Variants in SERPINE2 observed in about 807,000 individuals in gnomAD.
The protein encoded by SERPINE2 is serpin family E member 2, also known as glia-derived nexin.
In SERPINE2, 14 loss-of-function variants were observed where a neutral mutation model predicts 36.3. That is an observed-to-expected ratio of 0.39 (90% CI 0.25 to 0.60). The LOEUF (loss-of-function observed/expected upper bound fraction) is 0.60. SERPINE2 is among the 20% of genes least tolerant of loss of function. The pLI, the probability that SERPINE2 is intolerant of heterozygous loss-of-function variation, is 0.57. For synonymous variants in SERPINE2, 192 were observed against 191.8 expected, an observed-to-expected ratio of 1.00 and a Z score of -0.01; for missense variants, 418 against 499.6, an observed-to-expected ratio of 0.84 and a Z score of 1.56.
intron 1 of SERPINE2, among the ~76,000 whole-genome samples, chr2:224,025,211 C>T (rs1483656720): frequency 2.6e-5 from 4 of 152,206 alleles, no homozygotes; most frequent in Non-Finnish European, 4.4e-5. Context: ...GGACAGGTCA[C>T]CTGCCCGCCC....
At chr2:223,985,049 T>A in intron 4 of SERPINE2, 99 bp from the exon 5 acceptor site, 2 of 948,710 alleles carry the variant, frequency 2.1e-6, no homozygotes, top group Non-Finnish European at 3.3e-6. Context: ...AGCAACTCAG[T>A]TGGAGAACTT....
At position 223,980,403 on chromosome 2, in the gene SERPINE2, T is replaced by G. The variant is rs1337583670; in HGVS notation, c.986-6A>C. ...AACATGGAGGTTTTCTGACCCTGCT[T>G]CCAGAAAATAAAACAGTATCAGCAT... is the stretch of plus-strand genomic sequence containing the variant. On this transcript the variant is annotated splice_region_variant and splice_polypyrimidine_tract_variant and intron_variant, in intron 6 of 8. Transcript: ENST00000409304. The G allele has an allele frequency of 1.2e-6, 2 of 1,613,008 alleles. No individual in the cohort carries two copies.
rs1690694559 is a variant in SERPINE2 at position 223,991,991 on chromosome 2, T to A, written c.497A>T (p.Asp166Val). The A allele has an allele frequency of 3.1e-6, 5 of 1,613,830 alleles. No individual in the cohort carries two copies. Among genetic ancestry groups the A allele is most frequent in the Non-Finnish European group, 4.2e-6 (5 of 1,179,966 alleles). The change falls in exon 4 of 9, where the codon GAC becomes GTC. Residue 166 changes from aspartate to valine, a missense_variant. Physicochemically the swap from Asp to Val is radical, Grantham distance 152. Coordinates refer to ENST00000409304, the MANE Select transcript of SERPINE2 (RefSeq NM_001136528.2). ...AATAAGATCTGGGGACAGCAGATTG[T>A]CAATCATATCTGTGAAGCCAAAGAA... is the stretch of plus-strand genomic sequence containing the variant. ...WVKNETRDMI[D>V]NLLSPDLIDG...
chr2:223,990,141 A>G (rs1690604858), intron 4 of SERPINE2, among the ~76,000 whole-genome samples: 1 of 152,220 alleles, frequency 6.6e-6, no homozygotes, highest in Non-Finnish European at 1.5e-5. Context: ...TGTCCTTCCT[A>G]TCGCCTGCAG....
At chr2:224,033,586 G>A (rs978520384) in intron 1 of SERPINE2, among the ~76,000 whole-genome samples, 2 of 151,284 alleles carry the variant, frequency 1.3e-5, no homozygotes, top group African/African-American at 4.9e-5. Flanking sequence ...TCTATTGGTG[G>A]TGCAGCCCAT....
intron 2 of SERPINE2, among the ~76,000 whole-genome samples, chr2:223,999,595 A>G (rs1691027788): frequency 6.6e-6 from 1 of 152,188 alleles, no homozygotes; most frequent in African/African-American, 2.4e-5. Flanking sequence ...TCTATGGTGC[A>G]GGCCCATTCT....
At chr2:224,013,999 C>T (rs1364409865) in intron 1 of SERPINE2, 2 of 152,252 alleles carry the variant, frequency 1.3e-5, no homozygotes, top group African/African-American at 2.4e-5. Flanking sequence ...ATTACCAGTA[C>T]CACATCCTTT....
chr2:223,991,847 G>A lies in SERPINE2; in HGVS notation c.641C>T (p.Ser214Phe), dbSNP rs1357622711. 3 of 1,613,384 alleles carry A rather than the reference G, an allele frequency of 1.9e-6. No individual in the cohort carries two copies. The African/African-American group carries it at 4.0e-5, about 22-fold the overall frequency. ...KRTFVAADGKSYQVPMLAQLS... is the reference protein window; with the variant it reads ...KRTFVAADGKFYQVPMLAQLS... ...CTGGGCCAGCATTGGCACTTGATAGGATTTCCCGTCGGCTGCCACGAAAGT... is the reference window on the plus strand; with the variant it reads ...CTGGGCCAGCATTGGCACTTGATAGAATTTCCCGTCGGCTGCCACGAAAGT... Residue 214 changes from serine to phenylalanine, a missense_variant, in exon 4 of 9, where the codon TCC (serine) becomes TTC (phenylalanine). Physicochemically the swap from Ser to Phe is radical, Grantham distance 155. Coordinates refer to ENST00000409304, the MANE Select transcript of SERPINE2 (RefSeq NM_001136528.2).
At chr2:224,013,716 G>C (rs1045104635) in intron 1 of SERPINE2, 6 of 152,234 alleles carry the variant, frequency 3.9e-5, no homozygotes, top group Admixed American at 3.3e-4. Context: ...CAGGCGGTAG[G>C]TGGGGAGGAC....
intron 1 of SERPINE2, among the ~76,000 whole-genome samples, chr2:224,015,809 A>G (rs1325533373): frequency 7.2e-5 from 11 of 152,224 alleles, no homozygotes; most frequent in African/African-American, 2.7e-4. Flanking sequence ...GACCTCATCA[A>G]AATGAAAAGT....
chr2:223,991,837 C>G lies in SERPINE2; in HGVS notation c.651G>C (p.Val217=). The G allele has an allele frequency of 6.2e-7, 1 of 1,613,804 alleles. No individual in the cohort carries two copies. The highest frequency in any genetic ancestry group is 8.5e-7 in the Non-Finnish European group (1 of 1,179,948). The change falls in exon 4 of 9, where the codon GTG becomes GTC. Residue 217 remains valine (V), a synonymous_variant. Coordinates refer to ENST00000409304, the MANE Select transcript of SERPINE2 (RefSeq NM_001136528.2). ...FVAADGKSYQ[V]PMLAQLSVFR... is the part of the protein sequence containing the mutation. ...ACACGGAGAGCTGGGCCAGCATTGG[C>G]ACTTGATAGGATTTCCCGTCGGCTG... is the stretch of plus-strand genomic sequence containing the variant.
intron 1 of SERPINE2, among the ~76,000 whole-genome samples, chr2:224,007,382 G>A (rs1330708448): frequency 3.9e-5 from 6 of 152,018 alleles, no homozygotes; most frequent in Admixed American, 3.9e-4. Flanking sequence ...ATTATATCAT[G>A]GGAAATATCA....
At chr2:224,019,753 T>TTATTTTA (rs1297984341) in intron 1 of SERPINE2, among the ~76,000 whole-genome samples, 17 of 48,072 alleles carry the variant, frequency 3.5e-4, no homozygotes, top group African/African-American at 8.7e-4. Context: ...AGGAAGTCTT[T>TTATTTTA]TTTTTTTTTT....
At chr2:224,008,018 A>C (rs1397317108) in intron 1 of SERPINE2, among the ~76,000 whole-genome samples, 1 of 152,224 alleles carries the variant, frequency 6.6e-6, no homozygotes, top group Non-Finnish European at 1.5e-5. Context: ...GCCCGGCTGC[A>C]AGAGAGACGG....
chr2:223,977,386 T>G (rs1250258737), intron 8 of SERPINE2, among the ~76,000 whole-genome samples, 158 bp downstream of exon 8: 3 of 152,260 alleles, frequency 2.0e-5, no homozygotes, highest in Admixed American at 1.3e-4. Context: ...TTTATTTTCC[T>G]ATCTCTTTAA....
chr2:223,985,123 A>C, intron 4 of SERPINE2, 173 bp from the exon 5 acceptor site: 1 of 611,646 alleles, frequency 1.6e-6, no homozygotes, highest in Non-Finnish European at 2.9e-6. Context: ...TTCCTTCCCC[A>C]GTGAAGAATT....
chr2:224,036,272 AC>A (rs766572818), intron 1 of SERPINE2, among the ~76,000 whole-genome samples: 10 of 151,864 alleles, frequency 6.6e-5, no homozygotes, highest in Non-Finnish European at 1.0e-4. Context: ...ACCCTGGGTA[AC>A]CCCAAGAGGT....
intron 1 of SERPINE2, among the ~76,000 whole-genome samples, chr2:224,002,811 A>G (rs986412107): frequency 2.0e-5 from 3 of 151,928 alleles, no homozygotes; most frequent in Non-Finnish European, 1.5e-5. Context: ...TTTAATTCTC[A>G]TAAGTGCCCT....
chr2:224,000,583 T>C (rs907156911), intron 2 of SERPINE2, among the ~76,000 whole-genome samples: 1 of 152,198 alleles, frequency 6.6e-6, no homozygotes, highest in Non-Finnish European at 1.5e-5. Flanking sequence ...GTTTATTACA[T>C]AGGTACACAT....
Sources: gnomAD v4.1 joint callset for allele counts (sites outside exome capture counted in the v4.1 genomes callset) on GRCh38, gnomAD v4.1.1 for gene constraint, MANE v1.5 for transcripts, NCBI Gene and HGNC (gene_info 2026-07-23, HGNC 2026-07-21) for gene names.